Variants in NEDD4L observed in about 807,000 individuals in gnomAD.
The protein encoded by NEDD4L is E3 ubiquitin-protein ligase NEDD4-like.
NEDD4L carries 54 observed loss-of-function variants against 148.9 expected under a neutral mutation model. The ratio of observed to expected loss-of-function variants is 0.36; its 90% confidence interval spans 0.29 to 0.45. The LOEUF is 0.45. Ranked by LOEUF, NEDD4L falls within the 20% of genes least tolerant of loss-of-function variation. The pLI is 1.00. For missense variants in NEDD4L, 856 were observed against 1,233.8 expected (o/e 0.69, Z 4.59); for synonymous variants, 433 against 440.7 (o/e 0.98, Z 0.22).
chr18:58,288,676 A>G (rs191176838), intron 5 of NEDD4L, among the ~76,000 whole-genome samples: 40 of 152,352 alleles, frequency 2.6e-4, no homozygotes, highest in Admixed American at 4.6e-4. Flanking sequence ...AATGTGTCTC[A>G]ATAGTGCCAT....
chr18:58,370,537 C>G, intron 23 of NEDD4L, 70 bp downstream of exon 23: 4 of 1,022,420 alleles, frequency 3.9e-6, no homozygotes, highest in Non-Finnish European at 6.2e-6. Context: ...ATTGGAGAGC[C>G]ATATTTGTAG....
intron 18 of NEDD4L, among the ~76,000 whole-genome samples, chr18:58,355,002 A>T (rs1192569524): frequency 6.6e-6 from 1 of 152,214 alleles, no homozygotes; most frequent in Non-Finnish European, 1.5e-5. Context: ...AGTGTGCCGC[A>T]GGGGCGCACA....
intron 1 of NEDD4L, among the ~76,000 whole-genome samples, chr18:58,075,336 A>G (rs1265335482): frequency 6.6e-6 from 1 of 152,140 alleles, no homozygotes; most frequent in Non-Finnish European, 1.5e-5. Context: ...CTTTTTTAGT[A>G]AAGATGGGGT....
At chr18:58,145,970 A>G (rs1332543519) in intron 1 of NEDD4L, among the ~76,000 whole-genome samples, 6 of 152,142 alleles carry the variant, frequency 3.9e-5, no homozygotes, top group Admixed American at 6.5e-5. Context: ...GTTCTGCTTC[A>G]TGAACAAGAC....
chr18:58,058,154 A>T (rs2082170374), intron 1 of NEDD4L, among the ~76,000 whole-genome samples: 1 of 152,092 alleles, frequency 6.6e-6, no homozygotes, highest in South Asian at 2.1e-4. Context: ...AAAAATACAA[A>T]AATTAGCTGG....
chr18:58,383,910 T>C (rs539018987), intron 25 of NEDD4L, among the ~76,000 whole-genome samples: 15 of 152,362 alleles, frequency 9.8e-5, no homozygotes, highest in African/African-American at 3.6e-4. Flanking sequence ...TTTTTCTCTG[T>C]TGGGCACGTT....
intron 2 of NEDD4L, among the ~76,000 whole-genome samples, chr18:58,168,450 C>T (rs1438217273): frequency 6.6e-6 from 1 of 152,310 alleles, no homozygotes; most frequent in Middle Eastern, 3.4e-3. Context: ...TATTAGTGTA[C>T]AACAAGGATA....
At chr18:58,287,006 G>A (rs2054003469) in intron 5 of NEDD4L, among the ~76,000 whole-genome samples, 1 of 151,946 alleles carries the variant, frequency 6.6e-6, no homozygotes, top group South Asian at 2.1e-4. Flanking sequence ...CAACTGCAGG[G>A]TAACATTTAT....
At chr18:58,291,063 C>T (rs1270478702) in intron 5 of NEDD4L, among the ~76,000 whole-genome samples, 1 of 151,130 alleles carries the variant, frequency 6.6e-6, no homozygotes, top group Non-Finnish European at 1.5e-5. Context: ...CACATGGTCA[C>T]ACAGAGAACC....
chr18:58,366,148 G>A lies in NEDD4L; in HGVS notation c.1983G>A (p.Gly661=), dbSNP rs1269768919. 1.2e-6 allele frequency: 2 copies of A among 1,613,664 alleles called. No individual in the cohort carries two copies. Among genetic ancestry groups the A allele is most frequent in the Non-Finnish European group, 8.5e-7 (1 of 1,179,784 alleles). ...EFESEKGLDY[G]GVAREWFFLL... ...AATCAGAGAAAGGTCTTGACTATGGGGGTGTGGCCAGAGAATGGTTCTTCT... is the reference window on the plus strand; with the variant it reads ...AATCAGAGAAAGGTCTTGACTATGGAGGTGTGGCCAGAGAATGGTTCTTCT... Residue 661 remains glycine (G), a synonymous_variant, in exon 21 of 31, where the codon GGG becomes GGA. Coordinates refer to ENST00000400345, the MANE Select transcript of NEDD4L (RefSeq NM_001144967.3). This position sits in a 1 kb window ranked among gnomAD's most constrained non-coding sequence, Gnocchi z 4.2.
At chr18:58,060,893 G>A (rs1030254631) in intron 1 of NEDD4L, among the ~76,000 whole-genome samples, 1 of 152,050 alleles carries the variant, frequency 6.6e-6, no homozygotes, top group African/African-American at 2.4e-5. Context: ...CGAGTAGCTG[G>A]GGTTACAGGT....
At chr18:58,151,569 A>G (rs1767215927) in intron 1 of NEDD4L, among the ~76,000 whole-genome samples, 1 of 150,966 alleles carries the variant, frequency 6.6e-6, no homozygotes, top group African/African-American at 2.4e-5. Flanking sequence ...TACGGATACC[A>G]CCATAGCATG....
intron 2 of NEDD4L, among the ~76,000 whole-genome samples, chr18:58,222,568 C>T: frequency 6.6e-6 from 1 of 152,238 alleles, no homozygotes; most frequent in East Asian, 1.9e-4. Flanking sequence ...TTTACTGTCT[C>T]ATTTCATGGT....
intron 2 of NEDD4L, among the ~76,000 whole-genome samples, chr18:58,210,243 T>C (rs756717325): frequency 7.9e-5 from 12 of 152,324 alleles, no homozygotes; most frequent in South Asian, 2.1e-4. Flanking sequence ...CAATAGACTT[T>C]ATAAGAAAAC....
chr18:58,330,027 G>A (rs552254486), intron 10 of NEDD4L, among the ~76,000 whole-genome samples: 6 of 152,122 alleles, frequency 3.9e-5, no homozygotes, highest in Non-Finnish European at 5.9e-5. Flanking sequence ...ACAGAAATGT[G>A]TAATTTTCCC....
Position 58,348,326 on chromosome 18 carries a change from C to CTTTTTTTTTTTTTTTTTTTTTTTTTTTT in NEDD4L, c.1576-1188_1576-1187insTTTTTTTTTTTTTTTTTTTTTTTTTTTT, listed in dbSNP as rs771263533. Among the ~76,000 whole-genome samples, 53 of 88,644 alleles carry CTTTTTTTTTTTTTTTTTTTTTTTTTTTT rather than the reference C, an allele frequency of 6.0e-4. 3 individuals carry two copies. Among genetic ancestry groups the CTTTTTTTTTTTTTTTTTTTTTTTTTTTT allele is most frequent in the East Asian group, 9.3e-4 (3 of 3,218 alleles). The allele number at this position is 88,644 out of a possible 152,430, so 58.2% of individuals were successfully genotyped here. A position where few individuals can be genotyped will look rare whatever the true frequency, so the allele number is the denominator to read the frequency against. On this transcript the variant is annotated intron_variant, in intron 16 of 30. Coordinates refer to ENST00000400345, the MANE Select transcript of NEDD4L (RefSeq NM_001144967.3). ...CACTGCATTTCTTTTTCTTTTTTTT[C>CTTTTTTTTTTTTTTTTTTTTTTTTTTTT]TTTTTTTTTTTTTTTTTTTTTTTGA...
At chr18:58,115,221 C>G (rs1329443973) in intron 1 of NEDD4L, among the ~76,000 whole-genome samples, 1 of 147,816 alleles carries the variant, frequency 6.8e-6, no homozygotes, top group African/African-American at 2.5e-5. Context: ...CTTTTTCATT[C>G]TTTTTTCTTT....
intron 2 of NEDD4L, among the ~76,000 whole-genome samples, chr18:58,192,191 G>A (rs180758990): frequency 3.9e-4 from 59 of 152,244 alleles, no homozygotes; most frequent in Middle Eastern, 6.8e-3. Flanking sequence ...AATGATGATA[G>A]CATTTGAGTT....
chr18:58,128,205 C>G (rs974895749), intron 1 of NEDD4L, among the ~76,000 whole-genome samples: 1 of 152,154 alleles, frequency 6.6e-6, no homozygotes. Context: ...CGCCACTGCA[C>G]CCGGCTCATT....
Sources: gnomAD v4.1 joint callset for allele counts (sites outside exome capture counted in the v4.1 genomes callset) on GRCh38, gnomAD v4.1.1 for gene constraint, Gnocchi (gnomAD v3.1) non-coding constraint, MANE v1.5 for transcripts, NCBI Gene and HGNC (gene_info 2026-07-23, HGNC 2026-07-21) for gene names.